The following TANC2 variants were observed in gnomAD, a reference collection of about 807,000 sequenced individuals.
TANC2 encodes the protein tetratricopeptide repeat, ankyrin repeat and coiled-coil containing 2.
In TANC2, 26 loss-of-function variants were observed where a neutral mutation model predicts 210.5. The ratio of observed to expected loss-of-function variants is 0.12; its 90% CI spans 0.09 to 0.17. The LOEUF (loss-of-function observed/expected upper bound fraction) is 0.17. Among genes scored for constraint, TANC2 ranks in the 10% least tolerant of loss-of-function variants. The probability of loss-of-function intolerance (pLI) is 1.00; values close to 1 mark genes in which losing one functional copy is unlikely to be tolerated. For missense variants in TANC2, 2,129 were observed against 2,608.9 expected (o/e 0.82, Z 4.01); for synonymous variants, 931 against 967.1 (o/e 0.96, Z 0.69).
At chr17:63,409,629 T>C (rs1028998533) in intron 21 of TANC2, among the ~76,000 whole-genome samples, 7 of 152,226 alleles carry the variant, frequency 4.6e-5, no homozygotes, top group African/African-American at 1.2e-4. Flanking sequence ...AGAGTGCACT[T>C]ACACAATCCT....
chr17:63,054,609 C>G (rs562380532), intron 2 of TANC2, among the ~76,000 whole-genome samples: 1 of 151,574 alleles, frequency 6.6e-6, no homozygotes, highest in Non-Finnish European at 1.5e-5. Flanking sequence ...TCTCAATCTC[C>G]TGACCTTTTG....
chr17:63,175,706 A>G (rs1251950664), intron 5 of TANC2, among the ~76,000 whole-genome samples: 2 of 152,212 alleles, frequency 1.3e-5, no homozygotes, highest in East Asian at 1.9e-4. Flanking sequence ...GTTCTTCAAA[A>G]TACAGTGTTT....
At chr17:63,216,438 G>A (rs1260037677) in intron 7 of TANC2, among the ~76,000 whole-genome samples, 1 of 152,178 alleles carries the variant, frequency 6.6e-6, no homozygotes, top group Non-Finnish European at 1.5e-5. Flanking sequence ...GTAATAGTAA[G>A]TAAAGTGCAT....
At chr17:63,180,310 A>C (rs1321247069) in intron 5 of TANC2, among the ~76,000 whole-genome samples, 1 of 152,206 alleles carries the variant, frequency 6.6e-6, no homozygotes, top group African/African-American at 2.4e-5. Context: ...ACGAGTATGA[A>C]TTTGAGAAAG....
At chr17:63,277,773 T>C (rs2043929073) in intron 9 of TANC2, among the ~76,000 whole-genome samples, 1 of 151,596 alleles carries the variant, frequency 6.6e-6, no homozygotes, top group African/African-American at 2.4e-5. Flanking sequence ...GCCAACACAA[T>C]GCTTAATGAA....
chr17:63,051,076 C>T (rs2144385289), intron 2 of TANC2, among the ~76,000 whole-genome samples: 1 of 152,280 alleles, frequency 6.6e-6, no homozygotes, highest in Non-Finnish European at 1.5e-5. Context: ...TTTGAAAACA[C>T]CTGTCAGATC....
intron 2 of TANC2, among the ~76,000 whole-genome samples, chr17:63,058,719 G>T (rs1004289615): frequency 6.6e-6 from 1 of 152,040 alleles, no homozygotes; most frequent in African/African-American, 2.4e-5. Context: ...TTTGTTGAAC[G>T]TCAGATGGTT....
intron 15 of TANC2, among the ~76,000 whole-genome samples, chr17:63,383,196 T>C (rs958194999): frequency 6.6e-6 from 1 of 152,228 alleles, no homozygotes; most frequent in Non-Finnish European, 1.5e-5. Context: ...GAGGAACCAA[T>C]AGTGATACAT....
chr17:63,214,504 A>G (rs1423722510), intron 7 of TANC2, among the ~76,000 whole-genome samples: 1 of 152,216 alleles, frequency 6.6e-6, no homozygotes, highest in Non-Finnish European at 1.5e-5. Context: ...TTTACAAGCA[A>G]TTGACATTTA....
intron 19 of TANC2, among the ~76,000 whole-genome samples, chr17:63,403,945 A>G (rs1455197919): frequency 2.0e-5 from 3 of 152,332 alleles, no homozygotes; most frequent in Middle Eastern, 3.4e-3. Flanking sequence ...AATGAATGCA[A>G]ATGTCCATTT....
chr17:63,118,827 T>G (rs2038351221), intron 4 of TANC2, among the ~76,000 whole-genome samples: 1 of 149,666 alleles, frequency 6.7e-6, no homozygotes. Context: ...TCGCCCAGGC[T>G]GGAGTGTAGT....
intron 11 of TANC2, chr17:63,332,143 T>G (rs1254598675): frequency 2.9e-6 from 1 of 350,712 alleles, no homozygotes; most frequent in Non-Finnish European, 5.6e-6. Context: ...TCTTTGTGCT[T>G]CTTTAAGATC....
At chr17:63,265,172 A>G (rs1246085147) in intron 8 of TANC2, among the ~76,000 whole-genome samples, 1 of 152,226 alleles carries the variant, frequency 6.6e-6, no homozygotes, top group Non-Finnish European at 1.5e-5. Flanking sequence ...GAAATGCTCC[A>G]GATTCATAAG....
intron 12 of TANC2, among the ~76,000 whole-genome samples, chr17:63,341,532 C>T (rs1397499960): frequency 2.0e-5 from 3 of 152,178 alleles, no homozygotes; most frequent in African/African-American, 7.2e-5. Flanking sequence ...TCATGACACA[C>T]TTACAAAATA....
At chr17:63,314,549 G>A (rs774309244) in exon 10 of TANC2, 34 of 1,613,850 alleles carry the variant, frequency 2.1e-5, no homozygotes, top group Non-Finnish European at 2.9e-5. Context: ...CCAAGGAGTA[G>A]TGATTGTGGG....
chr17:63,118,133 C>A (rs1486827745), intron 4 of TANC2, among the ~76,000 whole-genome samples: 1 of 152,164 alleles, frequency 6.6e-6, no homozygotes, highest in Non-Finnish European at 1.5e-5. Context: ...AAATAAAATA[C>A]CTTTTTTAAA....
At chr17:62,983,274 G>A (rs1276695119) in intron 1 of TANC2, among the ~76,000 whole-genome samples, 1 of 151,978 alleles carries the variant, frequency 6.6e-6, no homozygotes, top group Non-Finnish European at 1.5e-5. Flanking sequence ...GAGTACTACT[G>A]ATATTTGTTT....
intron 5 of TANC2, among the ~76,000 whole-genome samples, chr17:63,159,593 A>G (rs1252280228): frequency 6.6e-6 from 1 of 152,204 alleles, no homozygotes; most frequent in Non-Finnish European, 1.5e-5. Flanking sequence ...ACACACAAAA[A>G]TAATAATACA....
intron 14 of TANC2, among the ~76,000 whole-genome samples, chr17:63,372,893 C>CTTTTTTTT (rs753800050): frequency 3.5e-5 from 4 of 115,920 alleles, no homozygotes; most frequent in Admixed American, 9.9e-5. Context: ...TGATTACCAT[C>CTTTTTTTT]TTTTTTTTTT....
Sources: gnomAD v4.1 joint callset for allele counts (sites outside exome capture counted in the v4.1 genomes callset) on GRCh38, gnomAD v4.1.1 for gene constraint, MANE v1.5 for transcripts, NCBI Gene and HGNC (gene_info 2026-07-23, HGNC 2026-07-21) for gene names.